The following STARD3NL variants were observed in gnomAD, a reference collection of about 807,000 sequenced individuals.
STARD3NL encodes the protein STARD3 N-terminal like.
STARD3NL carries 17 observed loss-of-function variants against 30.9 expected under a neutral mutation model. The ratio of observed to expected loss-of-function variants is 0.55; its 90% CI spans 0.38 to 0.82. The LOEUF (loss-of-function observed/expected upper bound fraction) is 0.82, where lower values mean the gene tolerates loss of function less well. Ranked by LOEUF, STARD3NL falls within the 40% of genes least tolerant of loss-of-function variation. STARD3NL has a pLI of 0.00. For synonymous variants in STARD3NL, 112 were observed against 100.5 expected (o/e 1.11, Z -0.69); for missense variants, 234 against 277.6 (o/e 0.84, Z 1.12).
chr7:38,217,892 G>A (rs189266837), intron 6 of STARD3NL, among the ~76,000 whole-genome samples: 68 of 152,292 alleles, frequency 4.5e-4, no homozygotes, highest in African/African-American at 1.4e-3. Flanking sequence ...CAGCAAGCCA[G>A]AGCGACGCTC....
chr7:38,224,810 C>T (rs1487563737), intron 7 of STARD3NL, among the ~76,000 whole-genome samples: 1 of 152,014 alleles, frequency 6.6e-6, no homozygotes, highest in Non-Finnish European at 1.5e-5. Context: ...GAAAAGGTGA[C>T]AGTTCTCAAC....
chr7:38,203,330 A>G (rs1785279121), intron 1 of STARD3NL, among the ~76,000 whole-genome samples: 1 of 152,200 alleles, frequency 6.6e-6, no homozygotes, highest in South Asian at 2.1e-4. Context: ...GCCAATATTC[A>G]ACATTCTTAA....
Position 38,214,396 on chromosome 7 carries a change from A to G in STARD3NL, c.265A>G (p.Met89Val). 1 of 1,608,230 alleles carries G rather than the reference A, an allele frequency of 6.2e-7. No homozygotes were observed. The highest frequency in any genetic ancestry group is 8.5e-7 in the Non-Finnish European group (1 of 1,175,592). The change falls in exon 3 of 9, where the codon ATG (methionine) becomes GTG (valine). Residue 89 changes from methionine to valine, a missense_variant. Transcript: ENST00000009041. ...GIENTLEKEV[M>V]QYDYYSSYFD... ...TGAGAACACATTAGAGAAGGAGGTG[A>G]TGCAGTATGACTACTATTCTTCATA... is the stretch of plus-strand genomic sequence containing the variant.
At chr7:38,226,016 A>G (rs767181762) in intron 7 of STARD3NL, among the ~76,000 whole-genome samples, 2 of 152,106 alleles carry the variant, frequency 1.3e-5, no homozygotes. Context: ...TTCCCATTAC[A>G]TGGTTGATTG....
intron 7 of STARD3NL, among the ~76,000 whole-genome samples, chr7:38,223,540 A>G (rs927659594): frequency 5.3e-5 from 8 of 152,158 alleles, no homozygotes; most frequent in Non-Finnish European, 7.4e-5. Context: ...CATTCATTAC[A>G]ATTCTAAGTT....
intron 1 of STARD3NL, among the ~76,000 whole-genome samples, chr7:38,179,524 G>A (rs1784162795): frequency 6.6e-6 from 1 of 152,234 alleles, no homozygotes; most frequent in Non-Finnish European, 1.5e-5. Flanking sequence ...TTCACAGAAG[G>A]ATGGTGATTA....
chr7:38,188,514 A>G (rs894716285), intron 1 of STARD3NL, among the ~76,000 whole-genome samples: 6 of 152,168 alleles, frequency 3.9e-5, no homozygotes, highest in African/African-American at 1.4e-4. Context: ...CTCTGTGAGG[A>G]TAGATGTTTT....
intron 2 of STARD3NL, among the ~76,000 whole-genome samples, chr7:38,210,943 G>T (rs1308079103): frequency 6.6e-6 from 1 of 152,080 alleles, no homozygotes; most frequent in Non-Finnish European, 1.5e-5. Flanking sequence ...AGTTCTCTGG[G>T]CCTTTTGATC....
Position 38,207,468 on chromosome 7 carries a change from T to G in STARD3NL, c.-37T>G. 6.3e-7 allele frequency: 1 copy of G among 1,580,996 alleles called. No homozygotes were observed. The highest frequency in any genetic ancestry group is 8.7e-7 in the Non-Finnish European group (1 of 1,153,166). The stretch of plus-strand genomic sequence containing the variant: ...AAAGGTGTCTTCTCTTTAGGGATGG[T>G]GAGGTTGGAAAAAGGCTCCTGTAAC... On this transcript the variant is annotated 5_prime_UTR_variant, in exon 2 of 9. Transcript: ENST00000009041.
intron 1 of STARD3NL, among the ~76,000 whole-genome samples, chr7:38,197,233 ATT>A (rs57911268): frequency 9.7e-6 from 1 of 103,370 alleles, no homozygotes; most frequent in Non-Finnish European, 2.0e-5. Context: ...TCTTTCTTTC[ATT>A]TTTTTTTTCT....
intron 2 of STARD3NL, among the ~76,000 whole-genome samples, chr7:38,211,660 G>C (rs894739025): frequency 6.6e-6 from 1 of 152,170 alleles, no homozygotes; most frequent in Non-Finnish European, 1.5e-5. Context: ...TGGACAACAT[G>C]ATTTTGAGAT....
At position 38,179,779 on chromosome 7, in the gene STARD3NL, G is replaced by A. The variant is rs184816821; in HGVS notation, c.-59+1359G>A. ...AGTGACTGGGTTGTATGGAGAAATGGGATGGTCAGGGAAGACCTCCCTAAG... is the reference window on the plus strand; with the variant it reads ...AGTGACTGGGTTGTATGGAGAAATGAGATGGTCAGGGAAGACCTCCCTAAG... On this transcript the variant is annotated intron_variant, in intron 1 of 8. Coordinates refer to ENST00000009041, the MANE Select transcript of STARD3NL (RefSeq NM_032016.4). Among the ~76,000 whole-genome samples, 100 of 152,340 alleles carry A rather than the reference G, an allele frequency of 6.6e-4. No homozygotes were observed. In the South Asian group the frequency reaches 0.011, roughly 16 times the overall value.
At chr7:38,182,107 T>C (rs1364232717) in intron 1 of STARD3NL, among the ~76,000 whole-genome samples, 8 of 152,228 alleles carry the variant, frequency 5.3e-5, no homozygotes. Context: ...TTAAAATATA[T>C]GTTGACTTGA....
chr7:38,206,919 T>C (rs62443336), intron 1 of STARD3NL, among the ~76,000 whole-genome samples: 1 of 152,160 alleles, frequency 6.6e-6, no homozygotes, highest in African/African-American at 2.4e-5. Context: ...AGGCATGTGC[T>C]GCCATGCGCA....
intron 2 of STARD3NL, among the ~76,000 whole-genome samples, chr7:38,211,948 TCTCCTTTTCCACTGTTTCC>T (rs1167167070): frequency 5.9e-5 from 9 of 152,306 alleles, no homozygotes; most frequent in Admixed American, 3.9e-4. Context: ...TTCCACTGTT[TCTCCTTTTCCACTGTTTCC>T]CTTCTTTTCC....
intron 6 of STARD3NL, among the ~76,000 whole-genome samples, chr7:38,218,102 G>GC (rs1433397668): frequency 1.3e-5 from 2 of 152,062 alleles, no homozygotes; most frequent in Non-Finnish European, 2.9e-5. Flanking sequence ...AAGCCCACAT[G>GC]CCCCACCCAC....
intron 2 of STARD3NL, among the ~76,000 whole-genome samples, chr7:38,210,277 A>G (rs1785722936): frequency 6.6e-6 from 1 of 152,246 alleles, no homozygotes; most frequent in Non-Finnish European, 1.5e-5. Flanking sequence ...ACATAATCTT[A>G]TACTGCCTTG....
At chr7:38,219,485 C>G in intron 6 of STARD3NL, 80 bp from the exon 7 acceptor site, 6 of 909,724 alleles carry the variant, frequency 6.6e-6, no homozygotes, top group Non-Finnish European at 1.1e-5. Context: ...ATAATAATAC[C>G]ATTTTATTTT....
At chr7:38,197,656 T>A (rs1015463320) in intron 1 of STARD3NL, among the ~76,000 whole-genome samples, 1 of 152,188 alleles carries the variant, frequency 6.6e-6, no homozygotes, top group Non-Finnish European at 1.5e-5. Flanking sequence ...GTTTTCCAGG[T>A]CTTGTTAGCA....
Sources: allele counts gnomAD v4.1 joint callset (sites outside exome capture counted in the v4.1 genomes callset), GRCh38; gene constraint gnomAD v4.1.1; transcripts MANE v1.5; gene names NCBI Gene and HGNC (gene_info 2026-07-23, HGNC 2026-07-21).